Variants in GABRB2 observed in about 807,000 individuals in gnomAD.
GABRB2 encodes gamma-aminobutyric acid type A receptor subunit beta2.
A neutral mutation model predicts 54.7 loss-of-function variants in GABRB2; 16 were observed. The ratio of observed to expected loss-of-function variants is 0.29; its 90% confidence interval spans 0.20 to 0.44. The LOEUF (loss-of-function observed/expected upper bound fraction) is 0.44. GABRB2 is among the 20% of genes least tolerant of loss of function. The pLI is 1.00. For missense variants in GABRB2, 355 were observed against 644.0 expected (o/e 0.55, Z 4.86); for synonymous variants, 244 against 233.8 (o/e 1.04, Z -0.40).
chr5:161,491,650 C>T (rs1383786485), intron 3 of GABRB2, among the ~76,000 whole-genome samples: 1 of 151,464 alleles, frequency 6.6e-6, no homozygotes, highest in East Asian at 1.9e-4. Flanking sequence ...CCATTCAGAA[C>T]CTTCAAAACC....
intron 4 of GABRB2, among the ~76,000 whole-genome samples, chr5:161,436,669 A>G (rs1042260938): frequency 6.6e-6 from 1 of 152,334 alleles, no homozygotes; most frequent in Admixed American, 6.5e-5. Context: ...TACTTTCATA[A>G]GAACTAAATA....
chr5:161,499,416 G>C (rs1281352561), intron 3 of GABRB2, among the ~76,000 whole-genome samples: 1 of 152,026 alleles, frequency 6.6e-6, no homozygotes, highest in Non-Finnish European at 1.5e-5. Context: ...ATAAAGACTA[G>C]CTAACTTCCA....
chr5:161,400,564 G>T (rs1756154955), intron 5 of GABRB2, among the ~76,000 whole-genome samples: 1 of 152,062 alleles, frequency 6.6e-6, no homozygotes, highest in South Asian at 2.1e-4. Flanking sequence ...TTAAAAGAAG[G>T]TGTCCATCTT....
At chr5:161,328,953 T>C (rs1307102558) in intron 8 of GABRB2, among the ~76,000 whole-genome samples, 1 of 152,176 alleles carries the variant, frequency 6.6e-6, no homozygotes, top group Non-Finnish European at 1.5e-5. Flanking sequence ...ATTCCATCAC[T>C]TGAATGGTAG....
intron 8 of GABRB2, among the ~76,000 whole-genome samples, chr5:161,328,938 C>A (rs1406856373): frequency 6.6e-6 from 1 of 152,100 alleles, no homozygotes; most frequent in Non-Finnish European, 1.5e-5. Flanking sequence ...TTTTTGTTCT[C>A]TCATATTCCA....
intron 5 of GABRB2, among the ~76,000 whole-genome samples, chr5:161,363,960 T>C (rs982712074): frequency 6.6e-6 from 1 of 152,198 alleles, no homozygotes; most frequent in African/African-American, 2.4e-5. Context: ...AGGGGAAAAT[T>C]GTTGTATGTT....
At chr5:161,410,824 AAG>A in intron 5 of GABRB2, 149 bp downstream of exon 5, 1 of 559,886 alleles carries the variant, frequency 1.8e-6, no homozygotes, top group South Asian at 2.5e-5. Flanking sequence ...TAACTGAGAA[AAG>A]ATGCTGTCAA....
chr5:161,338,199 C>T (rs2617503), intron 5 of GABRB2, among the ~76,000 whole-genome samples: 79,486 of 151,968 alleles, frequency 0.52, 23,144 homozygotes, highest in African/African-American at 0.79. Context: ...GTTTAGCTTT[C>T]CTAGAAATCT....
rs190817001 is a variant in GABRB2 at position 161,543,019 on chromosome 5, A to G, written c.237+2208T>C. ...GGTTATTAAGGTTGGAAGCTGAAAA[A>G]AATGTTAATTTTTCAACAAGTGACA... On this transcript the variant is annotated intron_variant, in intron 3 of 9. Transcript: ENST00000393959. Among the ~76,000 whole-genome samples, 150 of 152,374 alleles carry G rather than the reference A, an allele frequency of 9.8e-4. 1 individual carries two copies. The Middle Eastern group carries it at 0.01, about 10-fold the overall frequency.
At chr5:161,469,672 CACACATACACAT>C (rs59675873) in intron 3 of GABRB2, among the ~76,000 whole-genome samples, 16,691 of 141,142 alleles carry the variant, frequency 0.12, 1,000 homozygotes, top group Admixed American at 0.14. Context: ...AAACATTATT[CACACATACACAT>C]ACACATACAC....
At chr5:161,308,802 T>A (rs1378646198) in intron 9 of GABRB2, among the ~76,000 whole-genome samples, 1 of 152,240 alleles carries the variant, frequency 6.6e-6, no homozygotes, top group Non-Finnish European at 1.5e-5. Context: ...GATAACTGGC[T>A]AGCCATATGC....
intron 5 of GABRB2, among the ~76,000 whole-genome samples, chr5:161,356,607 G>T (rs949099556): frequency 6.6e-5 from 10 of 152,134 alleles, no homozygotes; most frequent in Non-Finnish European, 1.5e-4. Flanking sequence ...AAAAGGTCAT[G>T]GTTTGGAAAG....
Position 161,341,937 on chromosome 5 carries a change from T to TTATATATATATATATATA in GABRB2, c.542-5186_542-5169dup, listed in dbSNP as rs1237952955. On this transcript the variant is annotated intron_variant, in intron 5 of 9. Coordinates refer to ENST00000393959, the MANE Select transcript of GABRB2 (RefSeq NM_001371727.1). ...TTAATGCCACTATTTATTTTTTCTT[T>TTATATATATATATATATA]TATATATATATATATATATATATAT... Among the ~76,000 whole-genome samples the TTATATATATATATATATA allele has an allele frequency of 2.8e-3, 210 of 75,576 alleles. 1 individual carries two copies. Among genetic ancestry groups the TTATATATATATATATATA allele is most frequent in the East Asian group, 5.0e-3 (11 of 2,208 alleles). The allele number at this position is 75,576 out of a possible 152,430, so 49.6% of individuals were successfully genotyped here. A position where few individuals can be genotyped will look rare whatever the true frequency, so the allele number is the denominator to read the frequency against.
chr5:161,380,485 T>C (rs1160610028), intron 5 of GABRB2, among the ~76,000 whole-genome samples: 1 of 152,196 alleles, frequency 6.6e-6, no homozygotes, highest in Admixed American at 6.6e-5. Context: ...TTGCACCCAA[T>C]TGCATTTGCA....
chr5:161,528,252 A>T (rs1210881855), intron 3 of GABRB2, among the ~76,000 whole-genome samples: 1 of 151,856 alleles, frequency 6.6e-6, no homozygotes, highest in African/African-American at 2.4e-5. Context: ...GTCTGAAGAT[A>T]CTGTGATCGT....
chr5:161,464,450 G>A (rs548822775), intron 3 of GABRB2, among the ~76,000 whole-genome samples: 1 of 152,112 alleles, frequency 6.6e-6, no homozygotes, highest in Admixed American at 6.6e-5. Context: ...TGACAATTCC[G>A]AGTGCTGGTG....
At chr5:161,476,183 C>T (rs1421640740) in intron 3 of GABRB2, among the ~76,000 whole-genome samples, 5 of 151,832 alleles carry the variant, frequency 3.3e-5, no homozygotes, top group Admixed American at 3.3e-4. Context: ...AAAACAACTT[C>T]ATTTACAATA....
rs542902985 is a variant in GABRB2 at position 161,378,155 on chromosome 5, T to C, written c.541+32820A>G. Among the ~76,000 whole-genome samples the C allele has an allele frequency of 8.2e-4, 125 of 152,268 alleles. 1 individual carries two copies. Among genetic ancestry groups the C allele is most frequent in the African/African-American group, 2.9e-3 (122 of 41,574 alleles). ...TAAGACAATAGGCTTACTAGCTTTGTGTCTTAACACAATTTATTTAACCTT... is the reference window on the plus strand; with the variant it reads ...TAAGACAATAGGCTTACTAGCTTTGCGTCTTAACACAATTTATTTAACCTT... On this transcript the variant is annotated intron_variant, in intron 5 of 9. Transcript: ENST00000393959.
intron 3 of GABRB2, among the ~76,000 whole-genome samples, chr5:161,472,256 A>G (rs936125419): frequency 6.6e-6 from 1 of 151,708 alleles, no homozygotes; most frequent in Non-Finnish European, 1.5e-5. Flanking sequence ...ATTTTCTAAG[A>G]CCTGCCTGGT....
Sources: gnomAD v4.1 joint callset for allele counts (sites outside exome capture counted in the v4.1 genomes callset) on GRCh38, gnomAD v4.1.1 for gene constraint, MANE v1.5 for transcripts, NCBI Gene and HGNC (gene_info 2026-07-23, HGNC 2026-07-21) for gene names.